Variants in NR5A2 observed in about 807,000 individuals in gnomAD.
NR5A2 encodes nuclear receptor subfamily 5 group A member 2, also known as CYP7A promoter-binding factor.
Under a neutral mutation model 62.7 loss-of-function variants are expected in NR5A2, and 26 were observed. That is an observed-to-expected ratio of 0.41 (90% CI 0.30 to 0.58). The LOEUF is 0.58. NR5A2 is among the 20% of genes least tolerant of loss of function. NR5A2 has a pLI of 0.22. For missense variants in NR5A2, 541 were observed against 669.1 expected, an observed-to-expected ratio of 0.81 and a Z score of 2.11; for synonymous variants, 246 against 241.7, an observed-to-expected ratio of 1.02 and a Z score of -0.16.
At chr1:200,033,414 G>A (rs925302932) in intron 1 of NR5A2, among the ~76,000 whole-genome samples, 11 of 151,884 alleles carry the variant, frequency 7.2e-5, no homozygotes, top group Admixed American at 6.6e-4. Context: ...AAAAAAAAAA[G>A]CACTTTTGAC....
At position 200,030,514 on chromosome 1, in the gene NR5A2, C is replaced by T. The variant is rs1393801486; in HGVS notation, c.64+2603C>T. Among the ~76,000 whole-genome samples, 3 of 152,220 alleles carry T rather than the reference C, an allele frequency of 2.0e-5. No individual in the cohort carries two copies. The East Asian group carries it at 5.8e-4, about 29-fold the overall frequency. ...CTTAAAGTTAACTAACTCTGGGACA[C>T]TGGCCAGACTCTTGGTTTCTGGTCT... On this transcript the variant is annotated intron_variant, in intron 1 of 7. Coordinates refer to ENST00000367362, the MANE Select transcript of NR5A2 (RefSeq NM_205860.3).
At position 200,134,629 on chromosome 1, in the gene NR5A2, TG is replaced by T. The variant is rs775914897; in HGVS notation, c.1378+13675del. 2.0e-4 allele frequency among the ~76,000 whole-genome samples: 31 copies of T among 152,234 alleles called. 1 individual carries two copies. The highest frequency in any genetic ancestry group is 2.5e-4 in the Non-Finnish European group (17 of 68,042). On this transcript the variant is annotated intron_variant, in intron 7 of 7. Coordinates refer to ENST00000367362, the MANE Select transcript of NR5A2 (RefSeq NM_205860.3). Reference sequence around the variant, plus strand: ...TGTATCCTTGTCATTAAGCAACACATGACTGTGTATATAAGAATTGATAGCA... The same window carrying T: ...TGTATCCTTGTCATTAAGCAACACATACTGTGTATATAAGAATTGATAGCA...
intron 7 of NR5A2, among the ~76,000 whole-genome samples, chr1:200,140,984 T>C (rs1476576396): frequency 6.6e-6 from 1 of 152,110 alleles, no homozygotes; most frequent in Non-Finnish European, 1.5e-5. Context: ...TGAGCTGAGG[T>C]CATGCCATTG....
chr1:200,052,921 T>C (rs1662722231), intron 5 of NR5A2, among the ~76,000 whole-genome samples: 2 of 152,218 alleles, frequency 1.3e-5, no homozygotes, highest in Non-Finnish European at 2.9e-5. Context: ...ATTATAGGCA[T>C]GAGCCACCGC....
intron 7 of NR5A2, among the ~76,000 whole-genome samples, chr1:200,170,146 G>T (rs1229389094): frequency 6.6e-6 from 1 of 151,994 alleles, no homozygotes; most frequent in Non-Finnish European, 1.5e-5. Flanking sequence ...TATTTCTGTT[G>T]TTAGAGACTC....
chr1:200,051,179 A>G (rs141549442), intron 5 of NR5A2, among the ~76,000 whole-genome samples: 1 of 152,334 alleles, frequency 6.6e-6, no homozygotes, highest in East Asian at 1.9e-4. Flanking sequence ...TTATAATAAG[A>G]CAGTTTCATA....
intron 5 of NR5A2, among the ~76,000 whole-genome samples, chr1:200,091,481 TTTC>T (rs1294913790): frequency 6.3e-5 from 8 of 126,556 alleles, no homozygotes; most frequent in Non-Finnish European, 8.9e-5. Flanking sequence ...CTTTGCTCTC[TTTC>T]TTTTTTTTTT....
chr1:200,044,093 G>C (rs1662249773), intron 3 of NR5A2: 2 of 434,106 alleles, frequency 4.6e-6, no homozygotes, highest in Non-Finnish European at 8.1e-6. Context: ...ATGCTGTTTA[G>C]AAAACTTTGC....
Position 200,173,964 on chromosome 1 carries a change from T to C in NR5A2, c.1380T>C (p.Asp460=). ...CLKFLVLFSL[D]VKNLENFQLV... is the part of the protein sequence containing the mutation. ...TTTTTTTTTTTTTTTTTAATGCAGA[T>C]GTCAAAAACCTTGAAAACTTCCAGC... The change falls in exon 8 of 8, where the codon GAT becomes GAC. Residue 460 remains aspartate, a splice_region_variant and synonymous_variant. Transcript: ENST00000367362. 7.2e-7 allele frequency: 1 copy of C among 1,381,372 alleles called. No individual in the cohort carries two copies. Among genetic ancestry groups the C allele is most frequent in the Non-Finnish European group, 9.4e-7 (1 of 1,058,958 alleles). The allele number at this position is 1,381,372 out of a possible 1,614,324, so 85.6% of individuals were successfully genotyped here.
chr1:200,034,207 C>A (rs77300386), intron 1 of NR5A2, among the ~76,000 whole-genome samples: 96 of 152,306 alleles, frequency 6.3e-4, no homozygotes, highest in African/African-American at 2.2e-3. Context: ...TTGTGGCCTA[C>A]TAGCGCCGGG....
intron 6 of NR5A2, among the ~76,000 whole-genome samples, chr1:200,116,721 A>G (rs1283259124): frequency 6.6e-6 from 1 of 152,256 alleles, no homozygotes; most frequent in African/African-American, 2.4e-5. Flanking sequence ...AATTATGATT[A>G]TCAGTAATAT....
intron 7 of NR5A2, among the ~76,000 whole-genome samples, chr1:200,170,795 G>A (rs528739146): frequency 6.6e-6 from 1 of 152,292 alleles, no homozygotes; most frequent in East Asian, 1.9e-4. Context: ...TTTTTGAATA[G>A]AAAAGACTAT....
In NR5A2 at chr1:200,141,031, T is replaced by TAAACAAACAAAC. The variant is rs140408927; in HGVS notation, c.1378+20088_1378+20099dup. ...GGGCAACAAGAGATAACTCCATCTCTAAACAAACAAACAAACAAACAAAAC... is the reference window on the plus strand; with the variant it reads ...GGGCAACAAGAGATAACTCCATCTCTAAACAAACAAACAAACAAACAAACAAACAAACAAAAC... On this transcript the variant is annotated intron_variant, in intron 7 of 7. Coordinates refer to ENST00000367362, the MANE Select transcript of NR5A2 (RefSeq NM_205860.3). Among the ~76,000 whole-genome samples the TAAACAAACAAAC allele has an allele frequency of 2.6e-5, 4 of 151,378 alleles. No individual in the cohort carries two copies. In the South Asian group the frequency reaches 8.3e-4, roughly 32 times the overall value.
At chr1:200,038,909 C>A in intron 1 of NR5A2, 2 of 451,964 alleles carry the variant, frequency 4.4e-6, no homozygotes, top group South Asian at 2.1e-5. Context: ...GGCTAGTGTC[C>A]GACCTGAGTC....
intron 7 of NR5A2, among the ~76,000 whole-genome samples, chr1:200,148,906 CTTTTTTTT>C (rs573219003): frequency 8.0e-6 from 1 of 125,262 alleles, no homozygotes; most frequent in Non-Finnish European, 1.7e-5. Flanking sequence ...GCATGCGGTA[CTTTTTTTT>C]TTTTTTTTTT....
chr1:200,055,453 C>T (rs1428952394), intron 5 of NR5A2, among the ~76,000 whole-genome samples: 1 of 152,068 alleles, frequency 6.6e-6, no homozygotes, highest in Non-Finnish European at 1.5e-5. Flanking sequence ...GCCTCGGCAT[C>T]CCAAAGTTTA....
At chr1:200,103,494 A>C (rs1263432302) in intron 5 of NR5A2, among the ~76,000 whole-genome samples, 1 of 152,226 alleles carries the variant, frequency 6.6e-6, no homozygotes, top group Non-Finnish European at 1.5e-5. Flanking sequence ...AGAAGTAACA[A>C]GTCATAAGAA....
At chr1:200,112,813 G>A (rs558416313) in intron 6 of NR5A2, among the ~76,000 whole-genome samples, 3 of 152,140 alleles carry the variant, frequency 2.0e-5, no homozygotes, top group Admixed American at 1.3e-4. Flanking sequence ...CATTGGGTGT[G>A]CCTCCCACCT....
chr1:200,097,418 T>G (rs1368929102), intron 5 of NR5A2, among the ~76,000 whole-genome samples: 1 of 152,188 alleles, frequency 6.6e-6, no homozygotes, highest in Admixed American at 6.5e-5. Context: ...ATGCATTCCT[T>G]TAATACAAAG....
Sources: allele counts gnomAD v4.1 joint callset (sites outside exome capture counted in the v4.1 genomes callset), GRCh38; gene constraint gnomAD v4.1.1; transcripts MANE v1.5; gene names NCBI Gene and HGNC (gene_info 2026-07-23, HGNC 2026-07-21).